SNX10: variants seen among roughly 807,000 people sequenced by gnomAD.
SNX10 encodes sorting nexin-10.
A neutral mutation model predicts 28.5 loss-of-function variants in SNX10; 25 were observed. That is an observed-to-expected ratio of 0.88 (90% CI 0.64 to 1.22). SNX10 has a LOEUF of 1.22. SNX10 is among the 50% of genes most tolerant of loss of function. The pLI, the probability that SNX10 is intolerant of heterozygous loss-of-function variation, is 0.00. For synonymous variants in SNX10, 62 were observed against 81.4 expected (o/e 0.76, Z 1.28); for missense variants, 223 against 242.6 (o/e 0.92, Z 0.54).
At chr7:26,338,547 G>A (rs918669603) in intron 1 of SNX10, among the ~76,000 whole-genome samples, 1 of 152,120 alleles carries the variant, frequency 6.6e-6, no homozygotes, top group South Asian at 2.1e-4. Context: ...GACTACAGGC[G>A]CCCGCCACCA....
chr7:26,333,033 C>G (rs970717572), intron 1 of SNX10, among the ~76,000 whole-genome samples: 1 of 152,072 alleles, frequency 6.6e-6, no homozygotes, highest in Non-Finnish European at 1.5e-5. Context: ...TCTTCTTTTT[C>G]AGGATTGTTT....
At chr7:26,335,001 C>G (rs1036331562) in intron 1 of SNX10, among the ~76,000 whole-genome samples, 1 of 152,122 alleles carries the variant, frequency 6.6e-6, no homozygotes, top group Non-Finnish European at 1.5e-5. Flanking sequence ...ATTTCTTTTT[C>G]TTTTTGTTTG....
intron 1 of SNX10, among the ~76,000 whole-genome samples, chr7:26,315,861 A>G (rs1026193610): frequency 3.3e-5 from 5 of 152,076 alleles, no homozygotes; most frequent in Admixed American, 3.3e-4. Context: ...TTTAGAAGGT[A>G]TCTTTTGCAA....
intron 1 of SNX10, among the ~76,000 whole-genome samples, chr7:26,341,452 A>C (rs748463351): frequency 1.4e-4 from 22 of 152,074 alleles, no homozygotes; most frequent in Non-Finnish European, 2.9e-4. Context: ...GCAGATATCC[A>C]TACTTGGCAT....
intron 1 of SNX10, among the ~76,000 whole-genome samples, chr7:26,312,515 G>A (rs889763024): frequency 2.6e-5 from 4 of 152,254 alleles, no homozygotes; most frequent in African/African-American, 9.6e-5. Flanking sequence ...GCCGGGCATG[G>A]TGGCTCAAGC....
chr7:26,313,061 A>G (rs1347817611), intron 1 of SNX10, among the ~76,000 whole-genome samples: 1 of 152,234 alleles, frequency 6.6e-6, no homozygotes, highest in African/African-American at 2.4e-5. Flanking sequence ...GCAGGTATTT[A>G]CTGCGTACTG....
At position 26,340,069 on chromosome 7, in the gene SNX10, T is replaced by C. The variant is rs954013085; in HGVS notation, c.-23-6351T>C. On this transcript the variant is annotated intron_variant, in intron 1 of 6. Transcript: ENST00000338523. ...CCTTATTTCATCATTTGAAAAAATA[T>C]GTGATCCTTTCTCACTCCTTACATG... is the stretch of plus-strand genomic sequence containing the variant. Among the ~76,000 whole-genome samples the C allele has an allele frequency of 2.6e-5, 4 of 152,108 alleles. No homozygotes were observed. In the East Asian group the frequency reaches 5.8e-4, roughly 22 times the overall value.
intron 2 of SNX10, among the ~76,000 whole-genome samples, chr7:26,359,639 A>C (rs1228923440): frequency 1.3e-5 from 2 of 152,204 alleles, no homozygotes; most frequent in East Asian, 3.8e-4. Flanking sequence ...CTATTTAGTA[A>C]AGAGCACCTG....
chr7:26,371,064 C>T (rs552276388), intron 5 of SNX10, among the ~76,000 whole-genome samples: 225 of 151,922 alleles, frequency 1.5e-3, no homozygotes, highest in African/African-American at 5.2e-3. Flanking sequence ...TTTAATCTTC[C>T]ATGTAGTTCT....
intron 1 of SNX10, among the ~76,000 whole-genome samples, chr7:26,315,637 C>G (rs983775047): frequency 1.3e-5 from 2 of 151,358 alleles, no homozygotes; most frequent in African/African-American, 4.9e-5. Flanking sequence ...CACTGCACTT[C>G]TAGCCTGGGC....
intron 2 of SNX10, among the ~76,000 whole-genome samples, chr7:26,350,820 T>A (rs1788567990): frequency 6.6e-6 from 1 of 152,202 alleles, no homozygotes; most frequent in African/African-American, 2.4e-5. Context: ...GAATATTGTC[T>A]TCACACATAC....
intron 5 of SNX10, among the ~76,000 whole-genome samples, chr7:26,367,791 CCAGCCAT>C (rs1403103558): frequency 6.6e-6 from 1 of 152,166 alleles, no homozygotes; most frequent in Non-Finnish European, 1.5e-5. Flanking sequence ...TTAAGTAGGG[CCAGCCAT>C]CAATAGCCTG....
chr7:26,316,034 A>G (rs183437557), intron 1 of SNX10, among the ~76,000 whole-genome samples: 5 of 151,752 alleles, frequency 3.3e-5, no homozygotes, highest in Non-Finnish European at 7.4e-5. Context: ...AAATACAAAA[A>G]CTAGCCGGGC....
At chr7:26,304,658 TC>T in intron 1 of SNX10, among the ~76,000 whole-genome samples, 1 of 152,160 alleles carries the variant, frequency 6.6e-6, no homozygotes, top group East Asian at 1.9e-4. Flanking sequence ...TTTGTTTCAG[TC>T]CCACTTTACC....
intron 2 of SNX10, among the ~76,000 whole-genome samples, chr7:26,353,512 G>C (rs1788696776): frequency 7.3e-6 from 1 of 136,180 alleles, no homozygotes; most frequent in South Asian, 2.5e-4. Context: ...GCAGTGGCAC[G>C]ATCTCAGTTG....
chr7:26,329,408 C>A (rs1787637052), intron 1 of SNX10, among the ~76,000 whole-genome samples: 1 of 152,202 alleles, frequency 6.6e-6, no homozygotes, highest in African/African-American at 2.4e-5. Context: ...CCCTGACCAC[C>A]CACATATGAA....
In SNX10 at chr7:26,364,678, T is replaced by C; in HGVS notation, c.212+43T>C. On this transcript the variant is annotated intron_variant, in intron 4 of 6. Transcript: ENST00000338523. This position sits in a 1 kb window ranked among gnomAD's most constrained non-coding sequence, Gnocchi z 4.9. Reference sequence around the variant, plus strand: ...TACTGTGGAGACTTTGTCATTATATTCAGTATTTAAAATTGACGTTCATTA... The same window carrying C: ...TACTGTGGAGACTTTGTCATTATATCCAGTATTTAAAATTGACGTTCATTA... 1 of 1,389,038 alleles carries C rather than the reference T, an allele frequency of 7.2e-7. No homozygotes were observed. The highest frequency in any genetic ancestry group is 1.2e-5 in the South Asian group (1 of 81,366). The allele number at this position is 1,389,038 out of a possible 1,614,324, so 86.0% of individuals were successfully genotyped here. A position where few individuals can be genotyped will look rare whatever the true frequency, so the allele number is the denominator to read the frequency against.
intron 1 of SNX10, among the ~76,000 whole-genome samples, chr7:26,295,999 G>A (rs1298118512): frequency 2.0e-5 from 3 of 152,232 alleles, no homozygotes; most frequent in Non-Finnish European, 4.4e-5. Flanking sequence ...GCCGGGTGTG[G>A]TGGCGCATGC....
chr7:26,339,077 G>A (rs1788068190), intron 1 of SNX10, among the ~76,000 whole-genome samples: 1 of 152,212 alleles, frequency 6.6e-6, no homozygotes. Context: ...TGGACCCCAG[G>A]CAAGAAAGGG....
Sources: allele counts gnomAD v4.1 joint callset (sites outside exome capture counted in the v4.1 genomes callset), GRCh38; gene constraint gnomAD v4.1.1; non-coding constraint Gnocchi (gnomAD v3.1); transcripts MANE v1.5; gene names NCBI Gene and HGNC (gene_info 2026-07-23, HGNC 2026-07-21).